PPM1E: variants seen among roughly 807,000 people sequenced by gnomAD.
PPM1E encodes protein phosphatase 1E.
PPM1E carries 20 observed loss-of-function variants against 65.9 expected under a neutral mutation model. The observed-to-expected ratio is 0.30, with a 90% confidence interval of 0.21 to 0.44. PPM1E has a LOEUF of 0.44. Ranked by LOEUF, PPM1E falls within the 20% of genes least tolerant of loss-of-function variation. PPM1E has a pLI of 1.00. For missense variants in PPM1E, 713 were observed against 953.1 expected (o/e 0.75, Z 3.32); for synonymous variants, 352 against 374.9 (o/e 0.94, Z 0.70).
chr17:58,932,659 A>G (rs2051917521), intron 1 of PPM1E, among the ~76,000 whole-genome samples: 1 of 152,210 alleles, frequency 6.6e-6, no homozygotes, highest in Non-Finnish European at 1.5e-5. Context: ...GGAGTTTTCT[A>G]GAAAAAAATA....
chr17:58,931,361 G>A (rs866664174), intron 1 of PPM1E, among the ~76,000 whole-genome samples: 2 of 146,326 alleles, frequency 1.4e-5, no homozygotes, highest in Non-Finnish European at 1.5e-5. Context: ...ACTCCAACCT[G>A]AGCGACAAGA....
chr17:58,796,262 C>A (rs770927448), intron 1 of PPM1E, among the ~76,000 whole-genome samples: 6 of 152,160 alleles, frequency 3.9e-5, no homozygotes, highest in Non-Finnish European at 8.8e-5. Context: ...CCAGGCTAGT[C>A]TCGAATTCCT....
At chr17:58,766,595 A>ATG (rs2049881371) in intron 1 of PPM1E, among the ~76,000 whole-genome samples, 1 of 129,614 alleles carries the variant, frequency 7.7e-6, no homozygotes, top group Non-Finnish European at 1.6e-5. Flanking sequence ...ATTGTACTAT[A>ATG]TGTGTGTGTA....
At chr17:58,841,768 C>T (rs926272513) in intron 1 of PPM1E, among the ~76,000 whole-genome samples, 1 of 151,828 alleles carries the variant, frequency 6.6e-6, no homozygotes, top group East Asian at 1.9e-4. Flanking sequence ...AGTGCAGTGG[C>T]ATGACCTCGG....
chr17:58,964,812 G>A (rs2030161733), intron 2 of PPM1E, among the ~76,000 whole-genome samples: 1 of 152,188 alleles, frequency 6.6e-6, no homozygotes, highest in South Asian at 2.1e-4. Flanking sequence ...GGGAGGCCAA[G>A]GTGGGTGGAT....
At position 58,980,713 on chromosome 17, in the gene PPM1E, A is replaced by G; in HGVS notation, c.1950A>G (p.Ser650=). Residue 650 remains serine, a synonymous_variant, in exon 7 of 7, where the codon TCA becomes TCG. Coordinates refer to ENST00000308249, the MANE Select transcript of PPM1E (RefSeq NM_014906.5). The surrounding 1 kb of genome is among the most constrained non-coding windows in gnomAD (Gnocchi z 4.7). ...YRMQSLSPVC[S]GLENEQFKSP... ...TGCAGAGCTTGTCTCCTGTCTGTTC[A>G]GGGTTGGAAAATGAACAGTTCAAAT... The G allele has an allele frequency of 1.9e-6, 3 of 1,614,236 alleles. No homozygotes were observed. The highest frequency in any genetic ancestry group is 2.5e-6 in the Non-Finnish European group (3 of 1,180,044).
chr17:58,837,007 G>A (rs1250364260), intron 1 of PPM1E, among the ~76,000 whole-genome samples: 2 of 116,230 alleles, frequency 1.7e-5, no homozygotes, highest in African/African-American at 3.3e-5. Context: ...GCGACAGAGC[G>A]AAACTCCGTC....
At chr17:58,932,603 C>T (rs1210154969) in intron 1 of PPM1E, among the ~76,000 whole-genome samples, 1 of 151,988 alleles carries the variant, frequency 6.6e-6, no homozygotes, top group Non-Finnish European at 1.5e-5. Flanking sequence ...AGAAGGGCTC[C>T]GTAAGGAAGT....
At chr17:58,924,422 A>G (rs2051797255) in intron 1 of PPM1E, among the ~76,000 whole-genome samples, 1 of 152,052 alleles carries the variant, frequency 6.6e-6, no homozygotes, top group Admixed American at 6.6e-5. Flanking sequence ...GTGGTGGCAC[A>G]TGCCTGTAGC....
Position 58,756,251 on chromosome 17 carries a change from C to G in PPM1E, c.254C>G (p.Pro85Arg), listed in dbSNP as rs116991234. 0.011 allele frequency: 16,620 copies of G among 1,551,094 alleles called. 101 individuals carry two copies. The highest frequency in any genetic ancestry group is 0.013 in the Middle Eastern group (76 of 5,706). The stretch of plus-strand genomic sequence containing the variant: ...GAGGAGGGGGACCAGGAGCAAGACC[C>G]GGAGCCCGAGGAGGAGGCGGCGGTT... ...ATEEGDQEQDPEPEEEAAVEG... is the reference protein window; with the variant it reads ...ATEEGDQEQDREPEEEAAVEG... The change falls in exon 1 of 7, where the codon CCG becomes CGG. Residue 85 changes from proline (P) to arginine (R), a missense_variant. By Grantham distance (103) the Pro-to-Arg change is moderately radical. This residue lies in a region of PPM1E where 212 missense variants were observed against 204.0 expected (regional missense o/e 1.04). Coordinates refer to ENST00000308249, the MANE Select transcript of PPM1E (RefSeq NM_014906.5).
At chr17:58,772,422 C>CT (rs1567828978) in intron 1 of PPM1E, among the ~76,000 whole-genome samples, 1 of 151,446 alleles carries the variant, frequency 6.6e-6, no homozygotes, top group Non-Finnish European at 1.5e-5. Context: ...TGCTACTGCA[C>CT]TCCAGCCTGG....
intron 1 of PPM1E, among the ~76,000 whole-genome samples, chr17:58,930,987 G>A (rs1671214705): frequency 6.6e-6 from 1 of 150,878 alleles, no homozygotes; most frequent in South Asian, 2.1e-4. Context: ...GCTGAGGTGG[G>A]TGGATCACCT....
intron 1 of PPM1E, among the ~76,000 whole-genome samples, chr17:58,773,886 G>A (rs2049965345): frequency 6.6e-6 from 1 of 152,096 alleles, no homozygotes; most frequent in South Asian, 2.1e-4. Context: ...AATTGGCTGG[G>A]TGCGGTGGCT....
At chr17:58,854,574 G>A (rs1446471407) in intron 1 of PPM1E, among the ~76,000 whole-genome samples, 3 of 151,894 alleles carry the variant, frequency 2.0e-5, no homozygotes, top group African/African-American at 4.8e-5. Context: ...ATTACAGTGA[G>A]GTAGTTTCCT....
At chr17:58,843,935 A>G (rs1242911608) in intron 1 of PPM1E, among the ~76,000 whole-genome samples, 1 of 152,244 alleles carries the variant, frequency 6.6e-6, no homozygotes, top group Admixed American at 6.5e-5. Context: ...TACAATGTAA[A>G]CAAATATCTG....
rs186228804 is a variant in PPM1E, at chr17:58,873,919, T to C, written c.465-81730T>C. Among the ~76,000 whole-genome samples, 114 of 152,072 alleles carry C rather than the reference T, an allele frequency of 7.5e-4. 2 individuals are homozygous for C. In the East Asian group the frequency reaches 0.022, roughly 29 times the overall value. ...GCCTAGTGTTAATTTTCTTTTTGCATGATTTTTACACTACTATGAAAATAA... is the reference window on the plus strand; with the variant it reads ...GCCTAGTGTTAATTTTCTTTTTGCACGATTTTTACACTACTATGAAAATAA... On this transcript the variant is annotated intron_variant, in intron 1 of 6. Coordinates refer to ENST00000308249, the MANE Select transcript of PPM1E (RefSeq NM_014906.5).
chr17:58,871,170 G>T (rs1280767830), intron 1 of PPM1E, among the ~76,000 whole-genome samples: 1 of 152,062 alleles, frequency 6.6e-6, no homozygotes, highest in Admixed American at 6.5e-5. Flanking sequence ...CCAAGTAGCT[G>T]GGACTACAGG....
chr17:58,920,339 C>T (rs1384280486), intron 1 of PPM1E, among the ~76,000 whole-genome samples: 1 of 152,192 alleles, frequency 6.6e-6, no homozygotes, highest in Non-Finnish European at 1.5e-5. Flanking sequence ...CTCCAGTGAT[C>T]TTGTCTTCCA....
At chr17:58,958,885 A>G (rs1326344029) in intron 2 of PPM1E, among the ~76,000 whole-genome samples, 3 of 152,042 alleles carry the variant, frequency 2.0e-5, no homozygotes, top group Non-Finnish European at 2.9e-5. Flanking sequence ...GCCCAGCCCC[A>G]ATCCCTTTTA....
Sources: allele counts gnomAD v4.1 joint callset (sites outside exome capture counted in the v4.1 genomes callset), GRCh38; gene constraint gnomAD v4.1.1; regional missense constraint gnomAD v4.1.1; non-coding constraint Gnocchi (gnomAD v3.1); transcripts MANE v1.5; gene names NCBI Gene and HGNC (gene_info 2026-07-23, HGNC 2026-07-21).